Variants in CDK14 observed in about 807,000 individuals in gnomAD.
CDK14 encodes the protein cyclin dependent kinase 14, also known as cyclin-dependent kinase 14.
Under a neutral mutation model 60.7 loss-of-function variants are expected in CDK14, and 34 were observed. The ratio of observed to expected loss-of-function variants is 0.56; its 90% confidence interval spans 0.43 to 0.75. The LOEUF is 0.75. Ranked by LOEUF, CDK14 falls within the 30% of genes least tolerant of loss-of-function variation. The pLI, the probability that CDK14 is intolerant of heterozygous loss-of-function variation, is 0.00. For synonymous variants in CDK14, 197 were observed against 203.7 expected (o/e 0.97, Z 0.28); for missense variants, 482 against 564.1 (o/e 0.85, Z 1.47).
At chr7:90,878,966 A>G (rs1791653952) in intron 6 of CDK14, among the ~76,000 whole-genome samples, 1 of 152,226 alleles carries the variant, frequency 6.6e-6, no homozygotes, top group African/African-American at 2.4e-5. Context: ...CCTAATGTAG[A>G]AGACCATATT....
intron 2 of CDK14, among the ~76,000 whole-genome samples, chr7:90,717,716 A>ATTTTTTTAGTGGCCTAT (rs1802298643): frequency 6.6e-6 from 1 of 152,108 alleles, no homozygotes. Flanking sequence ...CTCAGGACTA[A>ATTTTTTTAGTGGCCTAT]TTTTTTTAGT....
intron 12 of CDK14, among the ~76,000 whole-genome samples, chr7:91,083,579 A>T (rs1043041281): frequency 6.6e-6 from 1 of 152,220 alleles, no homozygotes; most frequent in Non-Finnish European, 1.5e-5. Context: ...ATTTGTTTTC[A>T]TAAGAATGAA....
At chr7:90,923,107 C>CTTTTTT (rs1319576107) in intron 8 of CDK14, among the ~76,000 whole-genome samples, 1 of 129,374 alleles carries the variant, frequency 7.7e-6, no homozygotes. Context: ...CCCTAAACAT[C>CTTTTTT]TTTTTTTTTT....
intron 10 of CDK14, among the ~76,000 whole-genome samples, chr7:91,041,002 G>A (rs1797075081): frequency 6.6e-6 from 1 of 152,122 alleles, no homozygotes; most frequent in African/African-American, 2.4e-5. Flanking sequence ...TCACAGCGAG[G>A]CCCTCTTTTT....
chr7:91,182,431 A>G (rs1211411358), intron 14 of CDK14, among the ~76,000 whole-genome samples: 2 of 151,982 alleles, frequency 1.3e-5, no homozygotes, highest in Non-Finnish European at 2.9e-5. Flanking sequence ...TGTAAAATGT[A>G]TAGTTTCAAA....
chr7:91,021,838 A>G (rs1584239179), intron 10 of CDK14, among the ~76,000 whole-genome samples: 1 of 152,228 alleles, frequency 6.6e-6, no homozygotes, highest in Non-Finnish European at 1.5e-5. Flanking sequence ...ACTCTTAAAT[A>G]TACTGTTGAA....
intron 14 of CDK14, among the ~76,000 whole-genome samples, chr7:91,179,602 A>G (rs1322310109): frequency 6.6e-6 from 1 of 152,068 alleles, no homozygotes; most frequent in Non-Finnish European, 1.5e-5. Context: ...AGAGATGGAG[A>G]ACATCCTGGC....
chr7:90,651,544 T>A (rs1359939360), intron 2 of CDK14, among the ~76,000 whole-genome samples: 1 of 152,200 alleles, frequency 6.6e-6, no homozygotes, highest in Non-Finnish European at 1.5e-5. Flanking sequence ...CTTCCTGTAT[T>A]AAATTCCTTC....
chr7:91,015,037 C>T (rs535570703), intron 10 of CDK14, among the ~76,000 whole-genome samples: 2 of 152,280 alleles, frequency 1.3e-5, no homozygotes, highest in South Asian at 4.1e-4. Context: ...AGGAGTCTAT[C>T]TATCTTTATG....
chr7:90,620,570 A>G (rs2116369137), intron 2 of CDK14, among the ~76,000 whole-genome samples: 1 of 152,248 alleles, frequency 6.6e-6, no homozygotes, highest in East Asian at 1.9e-4. Flanking sequence ...TATCTGTACA[A>G]CAGAGGTAAC....
At chr7:90,676,650 A>T (rs1801205329) in intron 2 of CDK14, among the ~76,000 whole-genome samples, 1 of 151,252 alleles carries the variant, frequency 6.6e-6, no homozygotes, top group Non-Finnish European at 1.5e-5. Context: ...CTCCCACCTC[A>T]GCCTTGGGAG....
At chr7:90,969,538 A>C (rs1169687259) in intron 9 of CDK14, among the ~76,000 whole-genome samples, 1 of 152,212 alleles carries the variant, frequency 6.6e-6, no homozygotes, top group East Asian at 1.9e-4. Context: ...ATACATTTGC[A>C]GAGAGAAGCC....
intron 5 of CDK14, among the ~76,000 whole-genome samples, chr7:90,805,974 G>A (rs929011770): frequency 2.6e-5 from 4 of 152,138 alleles, no homozygotes. Context: ...AGAATGGAAA[G>A]TTCAAAAATG....
chr7:91,031,948 C>G (rs978261414), intron 10 of CDK14, among the ~76,000 whole-genome samples: 2 of 152,292 alleles, frequency 1.3e-5, no homozygotes, highest in East Asian at 3.9e-4. Context: ...ACTCACCTTC[C>G]GTCTGTCAGT....
At chr7:91,096,084 A>AC (rs901580403) in intron 12 of CDK14, among the ~76,000 whole-genome samples, 3 of 150,846 alleles carry the variant, frequency 2.0e-5, no homozygotes, top group Non-Finnish European at 3.0e-5. Context: ...AAAAAAAAAA[A>AC]AAAACAGTTA....
intron 8 of CDK14, among the ~76,000 whole-genome samples, chr7:90,937,365 A>G (rs1006421058): frequency 3.3e-5 from 5 of 152,204 alleles, no homozygotes; most frequent in Non-Finnish European, 7.3e-5. Flanking sequence ...ATTTTACATA[A>G]AATCAAATTG....
intron 7 of CDK14, among the ~76,000 whole-genome samples, chr7:90,912,861 C>T (rs1350952028): frequency 4.6e-5 from 7 of 152,152 alleles, no homozygotes; most frequent in Non-Finnish European, 8.8e-5. Context: ...ATCCATCTAC[C>T]TCTGCCTCCC....
chr7:90,646,423 G>A lies in CDK14; in HGVS notation c.123+42174G>A, dbSNP rs889996847. ...GGACTGCTTGCAAATTAGTTGAAAA[G>A]TAGCTATAACTTAAGCCTTTATTCT... On this transcript the variant is annotated intron_variant, in intron 2 of 14. Transcript: ENST00000380050. 3.3e-5 allele frequency among the ~76,000 whole-genome samples: 5 copies of A among 151,760 alleles called. No individual in the cohort carries two copies. In the East Asian group the frequency reaches 7.7e-4, roughly 23 times the overall value.
intron 5 of CDK14, among the ~76,000 whole-genome samples, chr7:90,826,088 G>A (rs1789712490): frequency 6.6e-6 from 1 of 152,188 alleles, no homozygotes; most frequent in African/African-American, 2.4e-5. Flanking sequence ...ATGTCTATGA[G>A]TTCAACCGTC....
Sources: allele counts gnomAD v4.1 joint callset (sites outside exome capture counted in the v4.1 genomes callset), GRCh38; gene constraint gnomAD v4.1.1; transcripts MANE v1.5; gene names NCBI Gene and HGNC (gene_info 2026-07-23, HGNC 2026-07-21).